The following GLIS1 variants were observed in gnomAD, a reference collection of about 807,000 sequenced individuals.
GLIS1 encodes GLIS family zinc finger 1, also known as zinc finger protein GLIS1.
Under a neutral mutation model 63.8 loss-of-function variants are expected in GLIS1, and 24 were observed. That is an observed-to-expected ratio of 0.38 (90% CI 0.27 to 0.53). GLIS1 has a LOEUF of 0.53. GLIS1 is among the 20% of genes least tolerant of loss of function. The probability of loss-of-function intolerance (pLI) is 0.85; values close to 1 mark genes in which losing one functional copy is unlikely to be tolerated. For synonymous variants in GLIS1, 450 were observed against 482.5 expected, an observed-to-expected ratio of 0.93 and a Z score of 0.88; for missense variants, 1,036 against 1,074.1, an observed-to-expected ratio of 0.96 and a Z score of 0.50.
intron 2 of GLIS1, among the ~76,000 whole-genome samples, chr1:53,669,018 CAT>C (rs535716968): frequency 6.6e-6 from 1 of 152,178 alleles, no homozygotes; most frequent in East Asian, 1.9e-4. Flanking sequence ...CTAACCCCCA[CAT>C]GAGTCACCAA....
At chr1:53,549,491 C>T (rs1644737811) in intron 4 of GLIS1, among the ~76,000 whole-genome samples, 1 of 152,176 alleles carries the variant, frequency 6.6e-6, no homozygotes, top group Non-Finnish European at 1.5e-5. Context: ...AGTGGTAGCT[C>T]CTTGTGGTTC....
chr1:53,558,420 C>T (rs1644854189), intron 4 of GLIS1, among the ~76,000 whole-genome samples: 1 of 152,196 alleles, frequency 6.6e-6, no homozygotes, highest in Non-Finnish European at 1.5e-5. Flanking sequence ...AAACCTCTGC[C>T]CTGGGCAACC....
chr1:53,540,255 G>T (rs2100365815), intron 4 of GLIS1, among the ~76,000 whole-genome samples: 1 of 152,338 alleles, frequency 6.6e-6, no homozygotes, highest in East Asian at 1.9e-4. Context: ...TTTGCTGGGG[G>T]ATTCTTTTTA....
rs777561220 is a variant in GLIS1, at chr1:53,709,415, C to CATATATAT, written c.259+28390_259+28391insATATATAT. 6.3e-3 allele frequency among the ~76,000 whole-genome samples: 784 copies of CATATATAT among 123,494 alleles called. 55 individuals are homozygous for CATATATAT. The highest frequency in any genetic ancestry group is 0.024 in the African/African-American group (667 of 27,734). 81.0% of individuals were successfully genotyped at this position (123,494 alleles called of 152,430 possible). A position where few individuals can be genotyped will look rare whatever the true frequency, so the allele number is the denominator to read the frequency against. On this transcript the variant is annotated intron_variant, in intron 2 of 10. Coordinates refer to ENST00000628545, the MANE Select transcript of GLIS1 (RefSeq NM_001367484.1). ...ATATACATATACATATATATATACA[C>CATATATAT]ACACACACACACACACACACACACA...
intron 2 of GLIS1, among the ~76,000 whole-genome samples, chr1:53,638,126 G>A (rs1645746652): frequency 6.6e-6 from 1 of 152,220 alleles, no homozygotes; most frequent in African/African-American, 2.4e-5. Context: ...ACTGCCACGG[G>A]GAGAAGCACA....
intron 2 of GLIS1, among the ~76,000 whole-genome samples, chr1:53,726,138 T>C (rs72660683): frequency 0.17 from 25,791 of 152,102 alleles, 2,447 homozygotes; most frequent in Non-Finnish European, 0.22. Flanking sequence ...GACGGGTTAA[T>C]TCTGGCTGGA....
intron 4 of GLIS1, among the ~76,000 whole-genome samples, chr1:53,593,495 A>G (rs943213737): frequency 6.6e-6 from 1 of 152,216 alleles, no homozygotes; most frequent in Non-Finnish European, 1.5e-5. Context: ...TGCTAGTGCC[A>G]GAAACCTGTC....
intron 2 of GLIS1, among the ~76,000 whole-genome samples, chr1:53,623,901 A>G (rs1450957004): frequency 1.3e-5 from 2 of 152,174 alleles, no homozygotes; most frequent in Non-Finnish European, 2.9e-5. Flanking sequence ...AGCAAAGAAA[A>G]CCTTAATAAA....
intron 2 of GLIS1, among the ~76,000 whole-genome samples, chr1:53,648,015 A>C (rs960323687): frequency 6.6e-6 from 1 of 152,048 alleles, no homozygotes; most frequent in Admixed American, 6.5e-5. Flanking sequence ...CTACAAAAAA[A>C]CAAAAAATTA....
intron 2 of GLIS1, among the ~76,000 whole-genome samples, chr1:53,689,330 C>G (rs1169090735): frequency 6.6e-6 from 1 of 152,224 alleles, no homozygotes; most frequent in Non-Finnish European, 1.5e-5. Flanking sequence ...CCTGCCTGGG[C>G]AGGACTCACA....
At chr1:53,591,027 G>T (rs148628169) in intron 4 of GLIS1, among the ~76,000 whole-genome samples, 1 of 152,188 alleles carries the variant, frequency 6.6e-6, no homozygotes. Flanking sequence ...CTGTGGAAAC[G>T]GCTGCTGGAA....
At chr1:53,630,840 G>A (rs1047460864) in intron 2 of GLIS1, among the ~76,000 whole-genome samples, 4 of 152,202 alleles carry the variant, frequency 2.6e-5, no homozygotes, top group African/African-American at 9.7e-5. Context: ...AGAGCAATAG[G>A]ATTTCCTTTC....
intron 2 of GLIS1, among the ~76,000 whole-genome samples, chr1:53,632,751 GTGTA>G (rs1230674629): frequency 6.6e-6 from 1 of 151,240 alleles, no homozygotes; most frequent in African/African-American, 2.4e-5. Context: ...CGAGGGGCGT[GTGTA>G]TGAGTGTGAC....
At chr1:53,724,162 C>T (rs1646783670) in intron 2 of GLIS1, among the ~76,000 whole-genome samples, 2 of 152,254 alleles carry the variant, frequency 1.3e-5, no homozygotes, top group Non-Finnish European at 2.9e-5. Context: ...CTTCTATGGC[C>T]ATCTGCCCAC....
chr1:53,705,092 C>T (rs979313828), intron 2 of GLIS1, among the ~76,000 whole-genome samples: 7 of 152,166 alleles, frequency 4.6e-5, no homozygotes, highest in African/African-American at 1.7e-4. Context: ...CAGGGCTTTT[C>T]CTAGGCCTCA....
At position 53,701,366 on chromosome 1, in the gene GLIS1, C is replaced by T. The variant is rs563030346; in HGVS notation, c.259+36440G>A. 1.8e-4 allele frequency among the ~76,000 whole-genome samples: 28 copies of T among 152,232 alleles called. No homozygotes were observed. In the South Asian group the frequency reaches 1.9e-3, roughly 10 times the overall value. On this transcript the variant is annotated intron_variant, in intron 2 of 10. Coordinates refer to ENST00000628545, the MANE Select transcript of GLIS1 (RefSeq NM_001367484.1). ...TGGGTTAGGCAGGGTTCTGAACTCC[C>T]GACTCAGGGAAAGTCTTCTTCCCCC...
intron 3 of GLIS1, among the ~76,000 whole-genome samples, chr1:53,597,238 T>G (rs1569890636): frequency 1.8e-5 from 2 of 111,978 alleles, no homozygotes; most frequent in Admixed American, 1.2e-4. Flanking sequence ...CCGGGTGTGG[T>G]GGCGGGCGCC....
intron 2 of GLIS1, among the ~76,000 whole-genome samples, chr1:53,726,550 A>G (rs182808616): frequency 6.6e-6 from 1 of 152,268 alleles, no homozygotes; most frequent in East Asian, 1.9e-4. Context: ...AGCAACTCCC[A>G]GCCCAATAAA....
intron 4 of GLIS1, 27 bp from the exon 5 acceptor site, chr1:53,529,979 T>C: frequency 6.2e-7 from 1 of 1,605,406 alleles, no homozygotes; most frequent in Non-Finnish European, 8.5e-7. Context: ...TGAGGGGAAC[T>C]CCCAGCCCGG....
Sources: gnomAD v4.1 joint callset for allele counts (sites outside exome capture counted in the v4.1 genomes callset) on GRCh38, gnomAD v4.1.1 for gene constraint, MANE v1.5 for transcripts, NCBI Gene and HGNC (gene_info 2026-07-23, HGNC 2026-07-21) for gene names.